The following NAALADL2 variants were observed in gnomAD, a reference collection of about 807,000 sequenced individuals.
NAALADL2 encodes N-acetylated alpha-linked acidic dipeptidase like 2.
NAALADL2 carries 76 observed loss-of-function variants against 87.2 expected under a neutral mutation model. The observed-to-expected ratio is 0.87, with a 90% CI of 0.72 to 1.05. The LOEUF (loss-of-function observed/expected upper bound fraction) is 1.05. NAALADL2 is among the 50% of genes least tolerant of loss of function. The pLI is 0.00. For synonymous variants in NAALADL2, 354 were observed against 331.0 expected, an observed-to-expected ratio of 1.07 and a Z score of -0.75; for missense variants, 1,089 against 945.8, an observed-to-expected ratio of 1.15 and a Z score of -1.99.
chr3:175,099,990 A>G (rs1233998109), intron 2 of NAALADL2, among the ~76,000 whole-genome samples: 1 of 150,994 alleles, frequency 6.6e-6, no homozygotes, highest in Non-Finnish European at 1.5e-5. Flanking sequence ...ATATTATATT[A>G]CAATTTATAC....
Position 174,519,326 on chromosome 3 carries a change from C to CTTTTTTTTTTTTTTT in NAALADL2, c.-183-31239_-183-31225dup, listed in dbSNP as rs557612913. Among the ~76,000 whole-genome samples, 5 of 128,924 alleles carry CTTTTTTTTTTTTTTT rather than the reference C, an allele frequency of 3.9e-5. 1 individual carries two copies. The highest frequency in any genetic ancestry group is 1.5e-4 in the African/African-American group (5 of 34,154). 84.6% of individuals were successfully genotyped at this position (128,924 alleles called of 152,430 possible). ...AAACAAGTGAATGAATGAAGATTTC[C>CTTTTTTTTTTTTTTT]TTTTTTTTTTTTTTTTTTGAGACAG... On this transcript the variant is annotated intron_variant, in intron 1 of 3. Transcript: ENST00000434257.
intron 11 of NAALADL2, among the ~76,000 whole-genome samples, chr3:175,666,122 G>T (rs1213770970): frequency 4.6e-5 from 7 of 152,090 alleles, no homozygotes; most frequent in Non-Finnish European, 1.5e-5. Context: ...CTGAATCCAA[G>T]ACTTTTCTTC....
intron 5 of NAALADL2, among the ~76,000 whole-genome samples, chr3:175,372,282 C>A (rs767290593): frequency 2.0e-5 from 3 of 152,186 alleles, no homozygotes; most frequent in Non-Finnish European, 4.4e-5. Flanking sequence ...TTAGCTTGCT[C>A]ACGCTCTGCC....
chr3:175,463,566 A>AG, intron 7 of NAALADL2, 73 bp downstream of exon 7: 1 of 791,256 alleles, frequency 1.3e-6, no homozygotes, highest in Non-Finnish European at 2.0e-6. Flanking sequence ...TAATAATTTA[A>AG]TATTATACTT....
rs1165539495 is a variant in NAALADL2 at position 174,787,589 on chromosome 3, A to G, written c.-9+49843A>G. ...GCAATATATCATCATATATATATAT[A>G]TATATATATATATATATATATATAT... On this transcript the variant is annotated intron_variant, in intron 3 of 3. Transcript: ENST00000434257. Among the ~76,000 whole-genome samples, 265 of 62,494 alleles carry G rather than the reference A, an allele frequency of 4.2e-3. 13 individuals carry two copies. Among genetic ancestry groups the G allele is most frequent in the African/African-American group, 0.013 (253 of 18,864 alleles). The allele number at this position is 62,494 out of a possible 152,430, so 41.0% of individuals were successfully genotyped here.
chr3:175,439,025 C>G (rs369994487), intron 5 of NAALADL2, among the ~76,000 whole-genome samples: 1 of 152,068 alleles, frequency 6.6e-6, no homozygotes, highest in African/African-American at 2.4e-5. Flanking sequence ...CCTCAAGTCC[C>G]CAAAGTCCGC....
intron 4 of NAALADL2, 140 bp from the exon 5 acceptor site, chr3:175,324,028 CAAAAAAA>C (rs372517580): frequency 6.9e-5 from 30 of 436,876 alleles, no homozygotes; most frequent in Non-Finnish European, 1.0e-4. Context: ...AAAAAACAAA[CAAAAAAA>C]AAAAAAAAGA....
chr3:174,614,863 C>G (rs1374715985), intron 2 of NAALADL2, among the ~76,000 whole-genome samples: 1 of 152,042 alleles, frequency 6.6e-6, no homozygotes, highest in East Asian at 1.9e-4. Context: ...CTGAATTAAT[C>G]TCCTGAAGAT....
At chr3:174,566,329 A>G (rs1057159154) in intron 2 of NAALADL2, among the ~76,000 whole-genome samples, 3 of 151,846 alleles carry the variant, frequency 2.0e-5, no homozygotes, top group African/African-American at 7.2e-5. Flanking sequence ...CTTTGAGGAC[A>G]ATATTTTGTA....
At chr3:174,989,221 G>C (rs1320155927) in intron 1 of NAALADL2, among the ~76,000 whole-genome samples, 1 of 152,078 alleles carries the variant, frequency 6.6e-6, no homozygotes, top group Non-Finnish European at 1.5e-5. Flanking sequence ...TCCAACACTG[G>C]ATACCAAATT....
chr3:174,565,152 G>A (rs1714099664), intron 2 of NAALADL2, among the ~76,000 whole-genome samples: 1 of 151,940 alleles, frequency 6.6e-6, no homozygotes, highest in Non-Finnish European at 1.5e-5. Context: ...CAATTGATGA[G>A]CCAATATTGA....
At chr3:174,786,805 A>C (rs564320985) in intron 3 of NAALADL2, among the ~76,000 whole-genome samples, 3 of 152,254 alleles carry the variant, frequency 2.0e-5, no homozygotes, top group African/African-American at 7.2e-5. Context: ...ATAAAGACCA[A>C]GAGAACATTG....
chr3:174,878,660 G>T lies in NAALADL2; in HGVS notation c.43+19210G>T, dbSNP rs116235653. Among the ~76,000 whole-genome samples, 445 of 151,986 alleles carry T rather than the reference G, an allele frequency of 2.9e-3. 2 individuals carry two copies. Among genetic ancestry groups the T allele is most frequent in the African/African-American group, 0.01 (430 of 41,498 alleles). On this transcript the variant is annotated intron_variant, in intron 1 of 13. Coordinates refer to ENST00000454872, the MANE Select transcript of NAALADL2 (RefSeq NM_207015.3). ...CTTGTTGGCAGTAAGCTCAATATCT[G>T]TTCTGCCGCTCTTTTCTATTTGCCC...
intron 1 of NAALADL2, among the ~76,000 whole-genome samples, chr3:174,894,223 A>G (rs1731216815): frequency 6.6e-6 from 1 of 152,146 alleles, no homozygotes; most frequent in African/African-American, 2.4e-5. Flanking sequence ...ATAGAGCTGT[A>G]CAGATAAATA....
At chr3:175,750,749 A>C (rs1350206801) in intron 12 of NAALADL2, among the ~76,000 whole-genome samples, 2 of 152,122 alleles carry the variant, frequency 1.3e-5, no homozygotes, top group African/African-American at 4.8e-5. Context: ...TCTTATACAC[A>C]ATGAACTCTT....
chr3:175,411,683 C>A (rs1005365860), intron 5 of NAALADL2, among the ~76,000 whole-genome samples: 1 of 152,094 alleles, frequency 6.6e-6, no homozygotes, highest in Non-Finnish European at 1.5e-5. Flanking sequence ...CAGAATATGA[C>A]TGTGTCCATT....
At chr3:175,272,083 AG>A (rs1688613389) in intron 4 of NAALADL2, among the ~76,000 whole-genome samples, 1 of 152,160 alleles carries the variant, frequency 6.6e-6, no homozygotes, top group Admixed American at 6.5e-5. Flanking sequence ...CCAAACAAAA[AG>A]TAAGAAGCCC....
intron 1 of NAALADL2, among the ~76,000 whole-genome samples, chr3:174,520,410 G>A (rs1720202654): frequency 6.6e-6 from 1 of 152,070 alleles, no homozygotes; most frequent in African/African-American, 2.4e-5. Context: ...AAAGCCATGT[G>A]CCTGCAACCA....
intron 13 of NAALADL2, 123 bp from the exon 14 acceptor site, chr3:175,802,882 T>C: frequency 1.9e-6 from 1 of 513,206 alleles, no homozygotes; most frequent in South Asian, 2.8e-5. Flanking sequence ...ATCGTGATAT[T>C]ATATTTTTAT....
Sources: gnomAD v4.1 joint callset for allele counts (sites outside exome capture counted in the v4.1 genomes callset) on GRCh38, gnomAD v4.1.1 for gene constraint, MANE v1.5 for transcripts, NCBI Gene and HGNC (gene_info 2026-07-23, HGNC 2026-07-21) for gene names.